MAN1C1: variants seen among roughly 807,000 people sequenced by gnomAD.
MAN1C1 encodes mannosyl-oligosaccharide 1,2-alpha-mannosidase IC.
A neutral mutation model predicts 71.5 loss-of-function variants in MAN1C1; 49 were observed. The observed-to-expected ratio is 0.69, with a 90% CI of 0.54 to 0.87. MAN1C1 has a LOEUF of 0.87. Ranked by LOEUF, MAN1C1 falls within the 40% of genes least tolerant of loss-of-function variation. MAN1C1 has a pLI of 0.00. For synonymous variants in MAN1C1, 352 were observed against 343.7 expected (o/e 1.02, Z -0.27); for missense variants, 743 against 835.0 (o/e 0.89, Z 1.36).
rs947558032 is a variant in MAN1C1 at position 25,687,480 on chromosome 1, C to A, written c.637+944C>A. Reference sequence around the variant, plus strand: ...GGTGTGGGGCTGGAGAGGGGCAGTCCCATACCTGGATTCCTCACCCCTTAC... The same window carrying A: ...GGTGTGGGGCTGGAGAGGGGCAGTCACATACCTGGATTCCTCACCCCTTAC... On this transcript the variant is annotated intron_variant, in intron 2 of 11. Coordinates refer to ENST00000374332, the MANE Select transcript of MAN1C1 (RefSeq NM_020379.4). Among the ~76,000 whole-genome samples, 7 of 152,304 alleles carry A rather than the reference C, an allele frequency of 4.6e-5. No individual in the cohort carries two copies. The East Asian group carries it at 1.2e-3, about 25-fold the overall frequency.
At chr1:25,654,686 C>T (rs2045738810) in intron 1 of MAN1C1, among the ~76,000 whole-genome samples, 1 of 151,564 alleles carries the variant, frequency 6.6e-6, no homozygotes, top group Non-Finnish European at 1.5e-5. Flanking sequence ...CTTGCACTGT[C>T]ACCAGGCTGG....
chr1:25,742,448 G>A (rs1175228451), intron 2 of MAN1C1, among the ~76,000 whole-genome samples: 2 of 152,168 alleles, frequency 1.3e-5, no homozygotes, highest in African/African-American at 4.8e-5. Flanking sequence ...TTGGGCCAAG[G>A]GTTTTTGCAA....
chr1:25,713,936 C>T (rs946131439), intron 2 of MAN1C1, among the ~76,000 whole-genome samples: 73 of 152,172 alleles, frequency 4.8e-4, no homozygotes, highest in African/African-American at 1.7e-3. Context: ...TTCGTGTTTC[C>T]TGTAGCCCCT....
intron 1 of MAN1C1, among the ~76,000 whole-genome samples, chr1:25,646,879 T>A (rs2045622311): frequency 1.3e-5 from 2 of 152,194 alleles, no homozygotes; most frequent in African/African-American, 4.8e-5. Flanking sequence ...GCTGTGGACA[T>A]TTGTGTACAT....
At chr1:25,701,679 T>C (rs1244190791) in intron 2 of MAN1C1, among the ~76,000 whole-genome samples, 1 of 152,248 alleles carries the variant, frequency 6.6e-6, no homozygotes, top group Non-Finnish European at 1.5e-5. Flanking sequence ...TCTGTGTGTG[T>C]GCCATTGATT....
chr1:25,778,134 T>C lies in MAN1C1; in HGVS notation c.1287T>C (p.Ser429=). The change falls in exon 9 of 12, where the codon TCT becomes TCC. Residue 429 remains serine (S), a synonymous_variant. Coordinates refer to ENST00000374332, the MANE Select transcript of MAN1C1 (RefSeq NM_020379.4). This position sits in a 1 kb window ranked among gnomAD's most constrained non-coding sequence, Gnocchi z 5.5. ...TAGAGACCTACTTGCTGAATGTCTC[T>C]CCCGGGGGGCTGACCTACATTGCCG... ...EAIETYLLNV[S]PGGLTYIAEW... is the part of the protein sequence containing the mutation. 1.3e-6 allele frequency: 2 copies of C among 1,584,820 alleles called. No homozygotes were observed. Among genetic ancestry groups the C allele is most frequent in the Non-Finnish European group, 1.7e-6 (2 of 1,162,032 alleles).
intron 2 of MAN1C1, among the ~76,000 whole-genome samples, chr1:25,717,740 T>C (rs2046701727): frequency 6.6e-6 from 1 of 151,842 alleles, no homozygotes; most frequent in Admixed American, 6.6e-5. Flanking sequence ...AGTTTTGTAT[T>C]TTTAGTAGAG....
intron 2 of MAN1C1, among the ~76,000 whole-genome samples, chr1:25,740,727 C>T (rs556004639): frequency 1.3e-5 from 2 of 152,012 alleles, no homozygotes; most frequent in African/African-American, 2.4e-5. Context: ...TGAGCCACCG[C>T]GCCCGGCTGA....
At position 25,776,329 on chromosome 1, in the gene MAN1C1, TC is replaced by T. The variant is rs532641115; in HGVS notation, c.1258-1772del. Among the ~76,000 whole-genome samples the T allele has an allele frequency of 6.6e-6, 1 of 151,996 alleles. No homozygotes were observed. Among genetic ancestry groups the T allele is most frequent in the African/African-American group, 2.4e-5 (1 of 41,372 alleles). The stretch of plus-strand genomic sequence containing the variant: ...ATTTTGGGAGGCCGAGGTGGGTGGA[TC>T]CCCTGAGGTCAGGAGTTCAAGACCA... On this transcript the variant is annotated intron_variant, in intron 8 of 11. Transcript: ENST00000374332. This position sits in a 1 kb window ranked among gnomAD's most constrained non-coding sequence, Gnocchi z 4.3.
chr1:25,622,270 T>C (rs752477165), intron 1 of MAN1C1, among the ~76,000 whole-genome samples: 4 of 152,200 alleles, frequency 2.6e-5, no homozygotes, highest in Non-Finnish European at 5.9e-5. Flanking sequence ...CAACTCTGAT[T>C]GGAAATTCCT....
At position 25,716,439 on chromosome 1, in the gene MAN1C1, C is replaced by G. The variant is rs373581932; in HGVS notation, c.637+29903C>G. ...CCTCCACCTCCCAGGCTTAAGCCAT[C>G]CTCCCACCTCAGCCTTCTGAGCAGC... On this transcript the variant is annotated intron_variant, in intron 2 of 11. Coordinates refer to ENST00000374332, the MANE Select transcript of MAN1C1 (RefSeq NM_020379.4). 3.2e-4 allele frequency among the ~76,000 whole-genome samples: 48 copies of G among 152,302 alleles called. 1 individual carries two copies. Among genetic ancestry groups the G allele is most frequent in the African/African-American group, 1.2e-3 (48 of 41,556 alleles).
At chr1:25,755,618 G>A (rs2047275462) in intron 5 of MAN1C1, among the ~76,000 whole-genome samples, 2 of 152,182 alleles carry the variant, frequency 1.3e-5, no homozygotes, top group Admixed American at 1.3e-4. Context: ...CAACCACAGG[G>A]ACTCCATTTT....
chr1:25,620,184 T>G (rs535169202), intron 1 of MAN1C1, among the ~76,000 whole-genome samples: 1 of 152,172 alleles, frequency 6.6e-6, no homozygotes, highest in African/African-American at 2.4e-5. Context: ...GGGGTGAGGA[T>G]TCTGTGCTTT....
At position 25,779,358 on chromosome 1, in the gene MAN1C1, C is replaced by T. The variant is rs1455378781; in HGVS notation, c.1477+1034C>T. 6.6e-6 allele frequency among the ~76,000 whole-genome samples: 1 copy of T among 152,166 alleles called. No individual in the cohort carries two copies. The highest frequency in any genetic ancestry group is 2.4e-5 in the African/African-American group (1 of 41,440). On this transcript the variant is annotated intron_variant, in intron 9 of 11. Coordinates refer to ENST00000374332, the MANE Select transcript of MAN1C1 (RefSeq NM_020379.4). The surrounding 1 kb of genome is among the most constrained non-coding windows in gnomAD (Gnocchi z 4.6). ...AAAGTACCTTGGCAGCCACCTTTGG[C>T]CAGCAGCACTGCAGGCACTTGCTGA...
intron 7 of MAN1C1, among the ~76,000 whole-genome samples, chr1:25,768,536 CT>C (rs1396596786): frequency 8.2e-6 from 1 of 122,418 alleles, no homozygotes; most frequent in Non-Finnish European, 1.8e-5. Context: ...CCACACTCCC[CT>C]CACACACACC....
rs746301041 is a variant in MAN1C1, at chr1:25,735,180, G to A, written c.638-11488G>A. Among the ~76,000 whole-genome samples, 2 of 152,242 alleles carry A rather than the reference G, an allele frequency of 1.3e-5. No homozygotes were observed. Among genetic ancestry groups the A allele is most frequent in the Non-Finnish European group, 2.9e-5 (2 of 68,036 alleles). On this transcript the variant is annotated intron_variant, in intron 2 of 11. Coordinates refer to ENST00000374332, the MANE Select transcript of MAN1C1 (RefSeq NM_020379.4). This position sits in a 1 kb window ranked among gnomAD's most constrained non-coding sequence, Gnocchi z 4.6. ...GTTATCCCAGGCCTGTCTCGTGGGA[G>A]ACCGAGACAGGTGGATCACTTGAGG... is the stretch of plus-strand genomic sequence containing the variant.
intron 1 of MAN1C1, chr1:25,645,712 TC>T (rs2045603380): frequency 6.6e-6 from 1 of 152,186 alleles, no homozygotes. Context: ...TTGGCAAAGT[TC>T]CTGCTGAAAC....
chr1:25,647,461 C>G (rs2045631431), intron 1 of MAN1C1, among the ~76,000 whole-genome samples: 1 of 152,102 alleles, frequency 6.6e-6, no homozygotes, highest in Non-Finnish European at 1.5e-5. Flanking sequence ...ACAGATTAGG[C>G]TGATATGTGA....
At chr1:25,740,380 G>A (rs1473282704) in intron 2 of MAN1C1, among the ~76,000 whole-genome samples, 1 of 152,086 alleles carries the variant, frequency 6.6e-6, no homozygotes, top group Non-Finnish European at 1.5e-5. Flanking sequence ...GAGCCATGGG[G>A]GGTTTCGAGC....
Sources: allele counts gnomAD v4.1 joint callset (sites outside exome capture counted in the v4.1 genomes callset), GRCh38; gene constraint gnomAD v4.1.1; non-coding constraint Gnocchi (gnomAD v3.1); transcripts MANE v1.5; gene names NCBI Gene and HGNC (gene_info 2026-07-23, HGNC 2026-07-21).